The following DNAH2 variants were observed in gnomAD, a reference collection of about 807,000 sequenced individuals.
DNAH2 encodes the protein dynein axonemal heavy chain 2, also known as axonemal beta dynein heavy chain 2.
DNAH2 carries 323 observed loss-of-function variants against 523.5 expected under a neutral mutation model. That is an observed-to-expected ratio of 0.62 (90% CI 0.56 to 0.68). The LOEUF is 0.68. Among genes scored for constraint, DNAH2 ranks in the 30% least tolerant of loss-of-function variants. The pLI is 0.00. For synonymous variants in DNAH2, 2,093 were observed against 2,177.4 expected (o/e 0.96, Z 1.08); for missense variants, 4,907 against 5,701.5 (o/e 0.86, Z 4.49).
chr17:7,771,252 C>A, intron 27 of DNAH2, 78 bp from the exon 28 acceptor site: 1 of 1,587,762 alleles, frequency 6.3e-7, no homozygotes, highest in African/African-American at 1.3e-5. Context: ...CAACTGTCAC[C>A]CACAATCTGG....
intron 11 of DNAH2, among the ~76,000 whole-genome samples, chr17:7,742,037 T>A (rs541474672): frequency 1.3e-5 from 2 of 152,216 alleles, no homozygotes; most frequent in East Asian, 3.9e-4. Context: ...CAGTAGAAGA[T>A]ACAGCCTCAT....
rs1346304383 is a variant in DNAH2, at chr17:7,797,735, G to A, written c.8136G>A (p.Leu2712=). ...AAGACCTCACGGATCTGACAGTGCT[G>A]AAGACAGTCATGGAGACAGCTCTAA... ...VYEDLTDLTV[L]KTVMETALNE... is the part of the protein sequence containing the mutation. Residue 2712 remains leucine (L), a synonymous_variant, in exon 53 of 86, where the codon CTG becomes CTA. Transcript: ENST00000572933. The A allele has an allele frequency of 1.2e-6, 2 of 1,614,060 alleles. No homozygotes were observed. The highest frequency in any genetic ancestry group is 2.7e-5 in the African/African-American group (2 of 74,912).
chr17:7,789,372 T>C (rs1597664233), intron 44 of DNAH2, among the ~76,000 whole-genome samples: 1 of 152,078 alleles, frequency 6.6e-6, no homozygotes, highest in South Asian at 2.1e-4. Flanking sequence ...GCCGAGCTGG[T>C]GGTCTGTAGC....
chr17:7,798,199 T>C lies in DNAH2; in HGVS notation c.8273T>C (p.Met2758Thr). 6.2e-7 allele frequency: 1 copy of C among 1,611,568 alleles called. No individual in the cohort carries two copies. Among genetic ancestry groups the C allele is most frequent in the Non-Finnish European group, 8.5e-7 (1 of 1,177,952 alleles). ...VRVIGQPRGN[M>T]LLVGIGGSGR... The stretch of plus-strand genomic sequence containing the variant: ...GTCATTGGACAGCCTCGGGGCAACA[T>C]GCTCCTGGTGGGTATCGGGGGCAGC... The change falls in exon 54 of 86, where the codon ATG becomes ACG. Residue 2758 changes from methionine (M) to threonine (T), a missense_variant. Physicochemically the swap from Met to Thr is moderately conservative, Grantham distance 81. This residue lies in a region of DNAH2 where 1,851 missense variants were observed against 2,139.4 expected (regional missense o/e 0.87). Transcript: ENST00000572933. The surrounding 1 kb of genome is among the most constrained non-coding windows in gnomAD (Gnocchi z 5.5).
At position 7,764,248 on chromosome 17, in the gene DNAH2, A is replaced by T; in HGVS notation, c.3311A>T (p.Lys1104Met). The change falls in exon 20 of 86, where the codon AAG becomes ATG. Residue 1104 changes from lysine (K) to methionine (M), a missense_variant. By Grantham distance (95) the Lys-to-Met change is moderately conservative (BLOSUM62 -1). Around this residue, in one of 3 missense-constraint regions of DNAH2, gnomAD observed 2,806 missense variants for 3,190.8 expected, o/e 0.88. Transcript: ENST00000572933. ...CACGAGCAATTTGCCATTCTTGAAA[A>T]GTACGAGGTGCCAGTCGAGGACAGT... ...PIHEQFAILE[K>M]YEVPVEDSVL... 6.2e-7 allele frequency: 1 copy of T among 1,612,260 alleles called. No homozygotes were observed.
At chr17:7,825,511 C>T (rs975550843) in intron 77 of DNAH2, among the ~76,000 whole-genome samples, 3 of 152,182 alleles carry the variant, frequency 2.0e-5, no homozygotes, top group Non-Finnish European at 2.9e-5. Flanking sequence ...GGCTCCCTGA[C>T]ACATCACTCC....
At chr17:7,814,287 CATT>C in intron 63 of DNAH2, among the ~76,000 whole-genome samples, 1 of 151,296 alleles carries the variant, frequency 6.6e-6, no homozygotes, top group South Asian at 2.1e-4. Flanking sequence ...AGAAAAATGT[CATT>C]ATTATTACTT....
chr17:7,739,235 G>A (rs771690022), intron 8 of DNAH2, among the ~76,000 whole-genome samples: 20 of 152,170 alleles, frequency 1.3e-4, no homozygotes, highest in Middle Eastern at 3.4e-3. Flanking sequence ...GTGAAACCCC[G>A]TCTCTACTAA....
In DNAH2 at chr17:7,817,401, A is replaced by G. The variant is rs932497630; in HGVS notation, c.10006A>G (p.Ile3336Val). The change falls in exon 65 of 86, where the codon ATC becomes GTC. Residue 3336 changes from isoleucine to valine, a missense_variant. Coordinates refer to ENST00000572933, the MANE Select transcript of DNAH2 (RefSeq NM_020877.5). ...CTACCGGGATGAGATTGTCAACCAA[A>G]TCTGGATCGGGAAGGTGAGATGGGA... ...TNYRDEIVNQ[I>V]WIGKIWELQV... 6.2e-7 allele frequency: 1 copy of G among 1,613,906 alleles called. No homozygotes were observed. Among genetic ancestry groups the G allele is most frequent in the Non-Finnish European group, 8.5e-7 (1 of 1,179,986 alleles).
Position 7,786,398 on chromosome 17 carries a change from A to T in DNAH2, c.6348+56A>T. The T allele has an allele frequency of 1.3e-6, 2 of 1,574,122 alleles. No homozygotes were observed. The highest frequency in any genetic ancestry group is 1.7e-6 in the Non-Finnish European group (2 of 1,159,198). On this transcript the variant is annotated intron_variant, in intron 40 of 85. Coordinates refer to ENST00000572933, the MANE Select transcript of DNAH2 (RefSeq NM_020877.5). This position sits in a 1 kb window ranked among gnomAD's most constrained non-coding sequence, Gnocchi z 7.5. Reference sequence around the variant, plus strand: ...CAGAGACTTGAGTAGTAAGAAGACAATGGAGGGTGGGGGCCAGGGAGGACC... The same window carrying T: ...CAGAGACTTGAGTAGTAAGAAGACATTGGAGGGTGGGGGCCAGGGAGGACC...
At chr17:7,824,368 C>T (rs2077959871) in intron 76 of DNAH2, 64 bp downstream of exon 76, 2 of 1,480,948 alleles carry the variant, frequency 1.4e-6, no homozygotes, top group Admixed American at 2.4e-5. Context: ...GAACCTCCAA[C>T]CTCAATTACA....
intron 44 of DNAH2, among the ~76,000 whole-genome samples, chr17:7,791,130 G>A (rs1430191805): frequency 6.6e-6 from 1 of 151,582 alleles, no homozygotes; most frequent in Non-Finnish European, 1.5e-5. Flanking sequence ...CTGGAGCGCA[G>A]CGGTGCCATC....
At position 7,819,295 on chromosome 17, in the gene DNAH2, A is replaced by G; in HGVS notation, c.10902A>G (p.Ser3634=). ...MGCIDPMYQF[S]LDAYISLFIL... is the part of the protein sequence containing the mutation. ...GCATCGACCCCATGTACCAGTTCTCACTGGATGCCTACATCAGCCTCTTTA... is the reference window on the plus strand; with the variant it reads ...GCATCGACCCCATGTACCAGTTCTCGCTGGATGCCTACATCAGCCTCTTTA... The change falls in exon 72 of 86, where the codon TCA becomes TCG. Residue 3634 remains serine, a synonymous_variant. Transcript: ENST00000572933. The G allele has an allele frequency of 6.2e-7, 1 of 1,614,182 alleles. No individual in the cohort carries two copies. The highest frequency in any genetic ancestry group is 8.5e-7 in the Non-Finnish European group (1 of 1,180,030).
intron 18 of DNAH2, among the ~76,000 whole-genome samples, chr17:7,762,331 CTTTTT>C (rs35824439): frequency 8.9e-6 from 1 of 111,832 alleles, no homozygotes. Flanking sequence ...CGTAGGATTT[CTTTTT>C]TTTTTTTTTT....
At chr17:7,769,301 A>G (rs1033276397) in intron 24 of DNAH2, among the ~76,000 whole-genome samples, 71 of 152,214 alleles carry the variant, frequency 4.7e-4, no homozygotes, top group African/African-American at 1.6e-3. Flanking sequence ...AGCTGGGATT[A>G]CAGGCACCTG....
chr17:7,744,076 A>G (rs1216641905), intron 12 of DNAH2, among the ~76,000 whole-genome samples: 1 of 151,784 alleles, frequency 6.6e-6, no homozygotes, highest in Non-Finnish European at 1.5e-5. Context: ...GTTGGATTCC[A>G]CTCATAAAAT....
intron 24 of DNAH2, 77 bp downstream of exon 24, chr17:7,768,344 C>A: frequency 7.0e-7 from 1 of 1,433,846 alleles, no homozygotes; most frequent in Non-Finnish European, 9.8e-7. Flanking sequence ...TCCCATTCTC[C>A]TCTCCGCAGT....
intron 26 of DNAH2, 27 bp from the exon 27 acceptor site, chr17:7,770,726 C>T (rs1212265487): frequency 1.2e-6 from 2 of 1,613,960 alleles, no homozygotes; most frequent in Admixed American, 1.7e-5. Context: ...TGGGGATGAA[C>T]TATGATTTTG....
chr17:7,740,715 C>G, intron 10 of DNAH2, 95 bp from the exon 11 acceptor site: 7 of 1,538,598 alleles, frequency 4.5e-6, no homozygotes, highest in Non-Finnish European at 6.1e-6. Flanking sequence ...GGGAGTGTGA[C>G]TCCCGCAGCG....
Sources: allele counts gnomAD v4.1 joint callset (sites outside exome capture counted in the v4.1 genomes callset), GRCh38; gene constraint gnomAD v4.1.1; regional missense constraint gnomAD v4.1.1; non-coding constraint Gnocchi (gnomAD v3.1); transcripts MANE v1.5; gene names NCBI Gene and HGNC (gene_info 2026-07-23, HGNC 2026-07-21).